MMD: variants seen among roughly 807,000 people sequenced by gnomAD.
MMD encodes the protein monocyte to macrophage differentiation factor.
Under a neutral mutation model 33.6 loss-of-function variants are expected in MMD, and 22 were observed. That is an observed-to-expected ratio of 0.66 (90% CI 0.47 to 0.94). The LOEUF is 0.94. Ranked by LOEUF, MMD falls within the 40% of genes least tolerant of loss-of-function variation. The pLI is 0.00. For synonymous variants in MMD, 97 were observed against 103.2 expected (o/e 0.94, Z 0.36); for missense variants, 242 against 309.8 (o/e 0.78, Z 1.64).
intron 4 of MMD, among the ~76,000 whole-genome samples, chr17:55,407,371 T>G (rs1303054490): frequency 1.3e-5 from 2 of 151,948 alleles, no homozygotes; most frequent in Non-Finnish European, 2.9e-5. Context: ...TCATACATAT[T>G]TACAGCATTT....
Position 55,407,768 on chromosome 17 carries a change from T to C in MMD, c.322A>G (p.Ile108Val). Residue 108 changes from isoleucine to valine, a missense_variant, in exon 4 of 7, where the codon ATT (isoleucine) becomes GTT (valine). Ile to Val is a conservative substitution (Grantham distance 29, BLOSUM62 3). Coordinates refer to ENST00000262065, the MANE Select transcript of MMD (RefSeq NM_012329.3). ...TACCATGGAGCATAAGAAGCAGCAA[T>C]GAAGAAATAGATAACCATTCTATCA... ...MCDRMVIYFF[I>V]AASYAPWLNL... is the part of the protein sequence containing the mutation. The C allele has an allele frequency of 6.2e-7, 1 of 1,601,046 alleles. No homozygotes were observed. The highest frequency in any genetic ancestry group is 8.5e-7 in the Non-Finnish European group (1 of 1,176,492).
chr17:55,402,480 GGAA>G (rs1567847150), intron 5 of MMD, among the ~76,000 whole-genome samples: 1 of 152,206 alleles, frequency 6.6e-6, no homozygotes, highest in Non-Finnish European at 1.5e-5. Context: ...CTCAAAGGCA[GGAA>G]CCAAGATTAA....
intron 1 of MMD, among the ~76,000 whole-genome samples, chr17:55,415,506 C>A (rs1907932422): frequency 6.6e-6 from 1 of 152,128 alleles, no homozygotes; most frequent in Admixed American, 6.5e-5. Flanking sequence ...CAGGGCTGAA[C>A]CAAATGGTAG....
At position 55,396,622 on chromosome 17, in the gene MMD, CT is replaced by C. The variant is rs746374996; in HGVS notation, c.517-2089del. Among the ~76,000 whole-genome samples, 826 of 149,384 alleles carry C rather than the reference CT, an allele frequency of 5.5e-3. 19 individuals are homozygous for C. The highest frequency in any genetic ancestry group is 0.041 in the Admixed American group (615 of 14,948). On this transcript the variant is annotated intron_variant, in intron 6 of 6. Transcript: ENST00000262065. Reference sequence around the variant, plus strand: ...GTTGTTGGTGGTGGTGGTGGTTATTCTTTTTTTTTTCTGAGATGGAGTCTTG... The same window carrying C: ...GTTGTTGGTGGTGGTGGTGGTTATTCTTTTTTTTTCTGAGATGGAGTCTTG...
chr17:55,398,640 A>G (rs1907213943), intron 6 of MMD, among the ~76,000 whole-genome samples: 2 of 152,136 alleles, frequency 1.3e-5, no homozygotes, highest in African/African-American at 4.8e-5. Context: ...ATTCCTTTAA[A>G]AATTGTTGAG....
At chr17:55,416,955 T>C (rs1293596232) in intron 1 of MMD, among the ~76,000 whole-genome samples, 1 of 152,170 alleles carries the variant, frequency 6.6e-6, no homozygotes, top group Non-Finnish European at 1.5e-5. Flanking sequence ...AAAACTCTCC[T>C]GCCTTCCCCC....
At chr17:55,404,140 AGG>A (rs1907450144) in intron 4 of MMD, among the ~76,000 whole-genome samples, 1 of 152,194 alleles carries the variant, frequency 6.6e-6, no homozygotes, top group Non-Finnish European at 1.5e-5. Context: ...GGATCACTTG[AGG>A]TCAGGAGTTC....
At chr17:55,421,398 A>G (rs1483952645) in intron 1 of MMD, among the ~76,000 whole-genome samples, 1 of 152,118 alleles carries the variant, frequency 6.6e-6, no homozygotes, top group Admixed American at 6.5e-5. Flanking sequence ...CCCGGGAAGG[A>G]GGACAGGCTT....
At chr17:55,420,809 G>A (rs1342964804) in intron 1 of MMD, among the ~76,000 whole-genome samples, 1 of 152,180 alleles carries the variant, frequency 6.6e-6, no homozygotes, top group Non-Finnish European at 1.5e-5. Flanking sequence ...AGAAAAGCCC[G>A]GAGTTCCTCT....
intron 6 of MMD, among the ~76,000 whole-genome samples, chr17:55,396,610 G>T (rs1008545569): frequency 2.0e-5 from 3 of 151,650 alleles, no homozygotes; most frequent in Non-Finnish European, 4.4e-5. Flanking sequence ...GTTGGTGGTG[G>T]TGGTGGTTAT....
chr17:55,420,300 C>G (rs1440740794), intron 1 of MMD: 2 of 152,174 alleles, frequency 1.3e-5, no homozygotes, highest in African/African-American at 4.8e-5. Flanking sequence ...TCTAAAAGCC[C>G]CTCCGGTCTT....
At chr17:55,412,479 GTGTA>G (rs1443039866) in intron 2 of MMD, among the ~76,000 whole-genome samples, 1 of 152,230 alleles carries the variant, frequency 6.6e-6, no homozygotes, top group Non-Finnish European at 1.5e-5. Flanking sequence ...CTAGTCATAT[GTGTA>G]TGACTATGAC....
intron 1 of MMD, among the ~76,000 whole-genome samples, chr17:55,420,931 G>A (rs1908161458): frequency 6.6e-6 from 1 of 152,210 alleles, no homozygotes. Flanking sequence ...TGAATGAGCA[G>A]TCGGCCAGCC....
At chr17:55,411,111 T>G in intron 3 of MMD, 146 bp downstream of exon 3, 2 of 907,516 alleles carry the variant, frequency 2.2e-6, no homozygotes, top group Non-Finnish European at 3.2e-6. Context: ...GAACAAGTCC[T>G]GAATAATGGG....
chr17:55,396,722 T>C (rs1907114506), intron 6 of MMD, among the ~76,000 whole-genome samples: 1 of 152,118 alleles, frequency 6.6e-6, no homozygotes, highest in Non-Finnish European at 1.5e-5. Context: ...TTCAAGTGGA[T>C]TCTCCTGCCT....
chr17:55,421,540 A>C, intron 1 of MMD, 130 bp downstream of exon 1: 2 of 1,309,082 alleles, frequency 1.5e-6, no homozygotes, highest in East Asian at 2.6e-5. Flanking sequence ...CAGGGAACTG[A>C]TCCCTGGCCA....
chr17:55,410,457 C>A (rs1445424167), intron 3 of MMD, among the ~76,000 whole-genome samples: 1 of 152,162 alleles, frequency 6.6e-6, no homozygotes, highest in African/African-American at 2.4e-5. Context: ...TGTGCAGAAT[C>A]CATTTCACAA....
chr17:55,407,015 A>C (rs1482463539), intron 4 of MMD, among the ~76,000 whole-genome samples: 1 of 151,920 alleles, frequency 6.6e-6, no homozygotes, highest in Non-Finnish European at 1.5e-5. Flanking sequence ...TGGGAGACAG[A>C]GTGAGACCCT....
Position 55,403,784 on chromosome 17 carries a change from T to G in MMD, c.429A>C (p.Val143=). ...WLMAAGGTIY[V]FLYHEKYKVV... is the part of the protein sequence containing the mutation. ...TCTCTTACTTTTCATGGTAGAGAAA[T>G]ACATAAATGGTTCCTCCAGCTGCCA... The change falls in exon 5 of 7, where the codon GTA becomes GTC. Residue 143 remains valine (V), a synonymous_variant. Coordinates refer to ENST00000262065, the MANE Select transcript of MMD (RefSeq NM_012329.3). The G allele has an allele frequency of 6.2e-7, 1 of 1,611,578 alleles. No individual in the cohort carries two copies. The highest frequency in any genetic ancestry group is 8.5e-7 in the Non-Finnish European group (1 of 1,178,820).
Sources: allele counts gnomAD v4.1 joint callset (sites outside exome capture counted in the v4.1 genomes callset), GRCh38; gene constraint gnomAD v4.1.1; transcripts MANE v1.5; gene names NCBI Gene and HGNC (gene_info 2026-07-23, HGNC 2026-07-21).